LOC400499: variants seen among roughly 807,000 people sequenced by gnomAD.
At chr16:11,426,444 A>G in the LOC400499 span, among the ~76,000 whole-genome samples, 9 of 152,248 alleles carry the variant, frequency 5.9e-5, no homozygotes, top group South Asian at 1.9e-3. Context: ...CTCTGTCTCT[A>G]AAAAACAACA....
chr16:11,501,476 C>T, the LOC400499 span, among the ~76,000 whole-genome samples: 1 of 152,130 alleles, frequency 6.6e-6, no homozygotes, highest in Non-Finnish European at 1.5e-5. Flanking sequence ...TCCCACTCAG[C>T]CTCCCAAGTA....
At chr16:11,445,759 G>A in the LOC400499 span, among the ~76,000 whole-genome samples, 1 of 151,984 alleles carries the variant, frequency 6.6e-6, no homozygotes, top group Non-Finnish European at 1.5e-5. Flanking sequence ...CTGGCCTTCA[G>A]AATATATCCC....
the LOC400499 span, chr16:11,391,665 C>G: frequency 3.2e-6 from 4 of 1,232,174 alleles, no homozygotes; most frequent in Non-Finnish European, 4.0e-6. Flanking sequence ...CCCACACTTA[C>G]ATTCCAGCTC....
the LOC400499 span, among the ~76,000 whole-genome samples, chr16:11,408,033 A>T: frequency 8.0e-6 from 1 of 125,484 alleles, no homozygotes; most frequent in Non-Finnish European, 1.6e-5. Flanking sequence ...AGGCTGCTGA[A>T]GTGCAGTGGC....
the LOC400499 span, among the ~76,000 whole-genome samples, chr16:11,400,050 G>C: frequency 1.2e-5 from 1 of 80,324 alleles, no homozygotes; most frequent in Non-Finnish European, 2.5e-5. Flanking sequence ...GAGACTGAAA[G>C]CATTTAAATG....
At chr16:11,373,895 C>T in the LOC400499 span, among the ~76,000 whole-genome samples, 3 of 152,174 alleles carry the variant, frequency 2.0e-5, no homozygotes, top group Non-Finnish European at 4.4e-5. Context: ...GCTGGCATTA[C>T]AGGCATGAGT....
At chr16:11,492,505 C>G in the LOC400499 span, among the ~76,000 whole-genome samples, 1 of 151,926 alleles carries the variant, frequency 6.6e-6, no homozygotes, top group Non-Finnish European at 1.5e-5. Flanking sequence ...AGGTGGTGGC[C>G]GGGCGCGGTG....
chr16:11,522,171 C>A, the LOC400499 span: 1 of 398,798 alleles, frequency 2.5e-6, no homozygotes, highest in South Asian at 1.3e-4. Context: ...TCTGGGATCC[C>A]AACTCCACCT....
At chr16:11,388,081 G>T in the LOC400499 span, among the ~76,000 whole-genome samples, 2 of 152,118 alleles carry the variant, frequency 1.3e-5, no homozygotes, top group Non-Finnish European at 2.9e-5. Flanking sequence ...TTGTTGATGG[G>T]CCAGTAGAGA....
the LOC400499 span, chr16:11,448,881 G>A: frequency 1.9e-4 from 268 of 1,388,188 alleles, 1 homozygote; most frequent in East Asian, 2.6e-4. Context: ...TGAGGGATTC[G>A]GTGGTCTCTT....
the LOC400499 span, chr16:11,435,606 G>A: frequency 2.5e-6 from 1 of 399,058 alleles, no homozygotes; most frequent in Non-Finnish European, 4.4e-6. Context: ...CAGGACACCA[G>A]CCTTTTGGCC....
At chr16:11,433,308 GCT>G in the LOC400499 span, among the ~76,000 whole-genome samples, 1 of 152,214 alleles carries the variant, frequency 6.6e-6, no homozygotes, top group East Asian at 1.9e-4. Context: ...TGGACAGACA[GCT>G]GTGGTGGCAA....
At chr16:11,522,912 A>C in the LOC400499 span, among the ~76,000 whole-genome samples, 1 of 152,306 alleles carries the variant, frequency 6.6e-6, no homozygotes, top group Non-Finnish European at 1.5e-5. Context: ...TTATCCAGCC[A>C]AATCTCTAAC....
chr16:11,507,126 A>T, the LOC400499 span, among the ~76,000 whole-genome samples: 1 of 152,302 alleles, frequency 6.6e-6, no homozygotes, highest in East Asian at 1.9e-4. Flanking sequence ...ATGTCCAGTT[A>T]GGTGGTCAGG....
chr16:11,430,331 C>CA, the LOC400499 span, among the ~76,000 whole-genome samples: 8 of 151,094 alleles, frequency 5.3e-5, no homozygotes, highest in Non-Finnish European at 7.4e-5. Context: ...ATTAAAAATA[C>CA]AAAAAAAAAT....
the LOC400499 span, chr16:11,384,769 G>C: frequency 1.1e-6 from 1 of 899,274 alleles, no homozygotes; most frequent in African/African-American, 1.7e-5. Flanking sequence ...CCATGCTAGA[G>C]ACGAGGCCGG....
At chr16:11,473,828 G>A in the LOC400499 span, among the ~76,000 whole-genome samples, 580 of 152,104 alleles carry the variant, frequency 3.8e-3, 2 homozygotes, top group African/African-American at 0.013. Context: ...CTTCGTAAAG[G>A]GCCAGATTGT....
the LOC400499 span, among the ~76,000 whole-genome samples, chr16:11,432,158 C>T: frequency 2.0e-5 from 3 of 152,254 alleles, no homozygotes; most frequent in Admixed American, 2.0e-4. Flanking sequence ...CCCATGCACA[C>T]ATCTGGCTGG....
At chr16:11,487,351 G>A in the LOC400499 span, 1 of 399,442 alleles carries the variant, frequency 2.5e-6, no homozygotes, top group African/African-American at 2.1e-5. Context: ...GAGAAGAGAA[G>A]GGTCCCCTCC....
Sources: allele counts gnomAD v4.1 joint callset (sites outside exome capture counted in the v4.1 genomes callset), GRCh38; gene constraint gnomAD v4.1.1; transcripts MANE v1.5.